The following LHFPL3 variants were observed in gnomAD, a reference collection of about 807,000 sequenced individuals.
LHFPL3 encodes LHFPL tetraspan subfamily member 3.
Under a neutral mutation model 19.3 loss-of-function variants are expected in LHFPL3, and 5 were observed. The ratio of observed to expected loss-of-function variants is 0.26; its 90% CI spans 0.14 to 0.54. LHFPL3 has a LOEUF of 0.54. LHFPL3 is among the 20% of genes least tolerant of loss of function. The probability of loss-of-function intolerance (pLI) is 0.94; values close to 1 mark genes in which losing one functional copy is unlikely to be tolerated. For missense variants in LHFPL3, 249 were observed against 307.4 expected (o/e 0.81, Z 1.42); for synonymous variants, 133 against 126.2 (o/e 1.05, Z -0.36).
intron 1 of LHFPL3, among the ~76,000 whole-genome samples, chr7:104,733,146 A>C (rs1172987783): frequency 1.3e-5 from 2 of 152,170 alleles, no homozygotes; most frequent in Non-Finnish European, 2.9e-5. Flanking sequence ...ACTTCCAACT[A>C]TGTGGTCAAT....
At chr7:104,469,838 G>C (rs1309584638) in intron 1 of LHFPL3, among the ~76,000 whole-genome samples, 1 of 152,048 alleles carries the variant, frequency 6.6e-6, no homozygotes, top group Non-Finnish European at 1.5e-5. Flanking sequence ...AACTTCCAGA[G>C]CATTAATGAT....
At chr7:104,447,610 A>G (rs914637123) in intron 1 of LHFPL3, among the ~76,000 whole-genome samples, 5 of 151,940 alleles carry the variant, frequency 3.3e-5, no homozygotes, top group Non-Finnish European at 7.4e-5. Flanking sequence ...TTTGTTTTGG[A>G]TCTCAGTAGT....
At chr7:104,569,887 C>G (rs185391063) in intron 1 of LHFPL3, among the ~76,000 whole-genome samples, 1 of 152,160 alleles carries the variant, frequency 6.6e-6, no homozygotes, top group Non-Finnish European at 1.5e-5. Context: ...TATGCTCAAC[C>G]ACTATGCCAT....
intron 2 of LHFPL3, among the ~76,000 whole-genome samples, chr7:104,820,584 T>A (rs561239223): frequency 5.9e-5 from 9 of 152,250 alleles, no homozygotes; most frequent in Admixed American, 4.6e-4. Context: ...TTCTACAGTT[T>A]ATGAGCAAGG....
intron 1 of LHFPL3, among the ~76,000 whole-genome samples, chr7:104,482,322 T>C (rs1793153310): frequency 6.6e-6 from 1 of 152,224 alleles, no homozygotes; most frequent in African/African-American, 2.4e-5. Context: ...TGGGCTCTGC[T>C]TCTAGGAACC....
intron 1 of LHFPL3, among the ~76,000 whole-genome samples, chr7:104,408,178 T>C (rs1402369487): frequency 1.3e-5 from 2 of 152,226 alleles, no homozygotes; most frequent in Admixed American, 6.5e-5. Flanking sequence ...CTGCAATGAC[T>C]AAGGCAATAT....
At chr7:104,484,699 C>T (rs2115670204) in intron 1 of LHFPL3, among the ~76,000 whole-genome samples, 2 of 152,190 alleles carry the variant, frequency 1.3e-5, no homozygotes, top group African/African-American at 4.8e-5. Context: ...GCTGGGAAGT[C>T]GAAGATGGAA....
At chr7:104,769,597 G>C (rs4727611) in intron 2 of LHFPL3, among the ~76,000 whole-genome samples, 39,478 of 150,174 alleles carry the variant, frequency 0.26, 5,403 homozygotes, top group African/African-American at 0.29. Context: ...TGCTAATGCT[G>C]TCCCTCTTTT....
At chr7:104,747,724 C>T (rs1348219926) in intron 2 of LHFPL3, among the ~76,000 whole-genome samples, 1 of 152,142 alleles carries the variant, frequency 6.6e-6, no homozygotes, top group Non-Finnish European at 1.5e-5. Flanking sequence ...AGCTAATGCA[C>T]ACCCACTAAG....
At chr7:104,342,860 A>G (rs1264086676) in intron 1 of LHFPL3, among the ~76,000 whole-genome samples, 1 of 152,238 alleles carries the variant, frequency 6.6e-6, no homozygotes, top group African/African-American at 2.4e-5. Flanking sequence ...TCAGCATGCT[A>G]GCATTACTGT....
intron 1 of LHFPL3, among the ~76,000 whole-genome samples, chr7:104,530,229 A>G (rs41067): frequency 0.029 from 4,422 of 152,346 alleles, 218 homozygotes; most frequent in African/African-American, 0.1. Flanking sequence ...CATCTGACAG[A>G]AAGGAAAACA....
intron 1 of LHFPL3, among the ~76,000 whole-genome samples, chr7:104,531,009 CTG>C (rs140930217): frequency 0.05 from 7,623 of 152,198 alleles, 257 homozygotes; most frequent in Non-Finnish European, 0.077. Context: ...AAAATATTGC[CTG>C]TATTTAAAAA....
At chr7:104,553,508 ATTTTTAACCCTAGCTCTCTTGG>A in intron 1 of LHFPL3, among the ~76,000 whole-genome samples, 1 of 152,254 alleles carries the variant, frequency 6.6e-6, no homozygotes, top group African/African-American at 2.4e-5. Flanking sequence ...TTCCAGAAAA[ATTTTTAACCCTAGCTCTCTTGG>A]TTGGGTATGA....
chr7:104,764,461 G>A (rs6979726), intron 2 of LHFPL3, among the ~76,000 whole-genome samples: 7,137 of 152,234 alleles, frequency 0.047, 557 homozygotes, highest in African/African-American at 0.16. Flanking sequence ...ATGAGCCACC[G>A]CACCCAGCCA....
intron 1 of LHFPL3, among the ~76,000 whole-genome samples, chr7:104,470,906 C>T (rs1283668275): frequency 6.6e-6 from 1 of 152,146 alleles, no homozygotes; most frequent in Non-Finnish European, 1.5e-5. Context: ...GTGCAACCTA[C>T]ATATCACATC....
chr7:104,824,741 TCTTA>T (rs1790782217), intron 2 of LHFPL3, among the ~76,000 whole-genome samples: 1 of 84,440 alleles, frequency 1.2e-5, no homozygotes, highest in African/African-American at 4.3e-5. Flanking sequence ...GAAACAGAAG[TCTTA>T]CTCATATATT....
At chr7:104,603,114 CTT>C (rs1791011459) in intron 1 of LHFPL3, among the ~76,000 whole-genome samples, 1 of 128,654 alleles carries the variant, frequency 7.8e-6, no homozygotes, top group African/African-American at 3.1e-5. Flanking sequence ...TTCTTTCTTT[CTT>C]TCTTTCTTTC....
At chr7:104,741,339 C>T (rs1007096446) in intron 2 of LHFPL3, among the ~76,000 whole-genome samples, 1 of 151,648 alleles carries the variant, frequency 6.6e-6, no homozygotes, top group Non-Finnish European at 1.5e-5. Context: ...TAAAAATGTA[C>T]TTTCATGAAA....
chr7:104,401,660 A>G (rs1435545124), intron 1 of LHFPL3, among the ~76,000 whole-genome samples: 1 of 152,258 alleles, frequency 6.6e-6, no homozygotes, highest in Non-Finnish European at 1.5e-5. Flanking sequence ...AAGAATATTT[A>G]GAAAATAGCA....
Sources: allele counts gnomAD v4.1 joint callset (sites outside exome capture counted in the v4.1 genomes callset), GRCh38; gene constraint gnomAD v4.1.1; transcripts MANE v1.5; gene names NCBI Gene and HGNC (gene_info 2026-07-23, HGNC 2026-07-21).